Variants in CHM observed in about 807,000 individuals in gnomAD.
The protein encoded by CHM is CHM Rab escort protein, also known as rab proteins geranylgeranyltransferase component A 1.
Under a neutral mutation model 49.0 loss-of-function variants are expected in CHM, and 10 were observed. The observed-to-expected ratio is 0.20, with a 90% CI of 0.13 to 0.35. The LOEUF (loss-of-function observed/expected upper bound fraction) is 0.35, where lower values mean the gene tolerates loss of function less well. Ranked by LOEUF, CHM falls within the 10% of genes least tolerant of loss-of-function variation. The pLI, the probability that CHM is intolerant of heterozygous loss-of-function variation, is 1.00. For missense variants in CHM, 455 were observed against 478.4 expected, an observed-to-expected ratio of 0.95 and a Z score of 0.46; for synonymous variants, 184 against 167.5, an observed-to-expected ratio of 1.10 and a Z score of -0.76.
At chrX:85,894,332 T>C in intron 11 of CHM, 48 bp from the exon 12 acceptor site, 4 of 934,785 alleles carry the variant, frequency 4.3e-6, no homozygotes. Context: ...GATCTCATTT[T>C]CATTCTTCTA....
intron 8 of CHM, among the ~76,000 whole-genome samples, chrX:85,946,250 C>A (rs1053119282): frequency 8.9e-6 from 1 of 112,667 alleles, no homozygotes; most frequent in African/African-American, 3.2e-5. Context: ...AAAGCAACCT[C>A]TTTCTAGAGA....
chrX:85,929,704 G>GT (rs1928308253), intron 8 of CHM, among the ~76,000 whole-genome samples: 1 of 111,499 alleles, frequency 9.0e-6, no homozygotes, highest in South Asian at 3.8e-4. Context: ...TAAAATATTA[G>GT]TTTTAGCTCT....
intron 4 of CHM, among the ~76,000 whole-genome samples, chrX:85,968,593 A>G (rs753960783): frequency 2.9e-4 from 32 of 112,100 alleles, no homozygotes; most frequent in Non-Finnish European, 3.9e-4. Context: ...GTTTCAGCCA[A>G]TAAGATAATG....
intron 1 of CHM, among the ~76,000 whole-genome samples, chrX:86,045,774 GA>G (rs1185051880): frequency 5.6e-5 from 6 of 106,954 alleles, no homozygotes; most frequent in East Asian, 2.9e-4. Context: ...ACCCAGACCT[GA>G]AAAAAAAAAT....
chrX:86,025,456 G>A (rs1933763953), intron 2 of CHM, among the ~76,000 whole-genome samples: 2 of 110,116 alleles, frequency 1.8e-5, no homozygotes, highest in Non-Finnish European at 3.8e-5. Flanking sequence ...TGGGAGGATC[G>A]TTTGAGGCCA....
intron 8 of CHM, among the ~76,000 whole-genome samples, chrX:85,943,524 T>C (rs1427864383): frequency 8.9e-6 from 1 of 111,960 alleles, no homozygotes; most frequent in Admixed American, 9.5e-5. Context: ...GCATTTTGTA[T>C]TGGGCACAGA....
At chrX:86,011,072 T>G (rs1454624520) in intron 2 of CHM, among the ~76,000 whole-genome samples, 7 of 111,851 alleles carry the variant, frequency 6.3e-5, no homozygotes, top group African/African-American at 2.0e-4. Context: ...TTCTTAAACT[T>G]TATTCATTTA....
chrX:85,928,412 G>C (rs767952104), intron 8 of CHM, among the ~76,000 whole-genome samples: 2 of 110,090 alleles, frequency 1.8e-5, no homozygotes, highest in Admixed American at 9.7e-5. Flanking sequence ...GCATGGTGGC[G>C]GGCGCCTGCA....
chrX:85,885,626 T>C (rs908825685), intron 12 of CHM, among the ~76,000 whole-genome samples: 1 of 111,469 alleles, frequency 9.0e-6, no homozygotes, highest in Non-Finnish European at 1.9e-5. Flanking sequence ...CAAAGTCTCA[T>C]TGGTCTATAT....
At chrX:85,908,827 C>T (rs1396184115) in intron 9 of CHM, among the ~76,000 whole-genome samples, 1 of 111,487 alleles carries the variant, frequency 9.0e-6, no homozygotes, top group Non-Finnish European at 1.9e-5. Flanking sequence ...GCAGGCACAT[C>T]CAAGTTGTTC....
At chrX:85,984,364 C>T (rs551448833) in intron 2 of CHM, among the ~76,000 whole-genome samples, 108 of 111,165 alleles carry the variant, frequency 9.7e-4, no homozygotes, top group South Asian at 3.8e-3. Flanking sequence ...TGAAAAAGTA[C>T]GCAATATCAT....
At chrX:85,869,307 T>C (rs1052874685) in intron 14 of CHM, among the ~76,000 whole-genome samples, 3 of 111,567 alleles carry the variant, frequency 2.7e-5, no homozygotes, top group African/African-American at 9.8e-5. Context: ...AATACAAATA[T>C]TAAGTATAAA....
intron 14 of CHM, among the ~76,000 whole-genome samples, chrX:85,870,917 G>C (rs950619585): frequency 5.4e-5 from 6 of 110,917 alleles, no homozygotes; most frequent in Admixed American, 9.6e-5. Context: ...ATGAAAACAA[G>C]AGTGTCAAGT....
intron 4 of CHM, among the ~76,000 whole-genome samples, chrX:85,973,674 AC>A (rs1226704609): frequency 1.8e-5 from 2 of 111,740 alleles, no homozygotes; most frequent in Admixed American, 1.9e-4. Flanking sequence ...ATGCTGAGAC[AC>A]CATGTGCAAG....
intron 8 of CHM, among the ~76,000 whole-genome samples, chrX:85,925,753 T>C: frequency 8.9e-6 from 1 of 111,973 alleles, no homozygotes; most frequent in Middle Eastern, 4.2e-3. Context: ...GAGACATCCA[T>C]TTTGAATCCA....
intron 13 of CHM, among the ~76,000 whole-genome samples, chrX:85,873,631 T>C (rs769948060): frequency 9.0e-6 from 1 of 110,737 alleles, no homozygotes; most frequent in Admixed American, 9.7e-5. Context: ...CTGAAGGAAA[T>C]TGGGGGCAAA....
chrX:85,977,117 G>C (rs1931322753), intron 4 of CHM, among the ~76,000 whole-genome samples: 1 of 111,711 alleles, frequency 9.0e-6, no homozygotes. Flanking sequence ...GATATTGTTA[G>C]TCCTATTTAC....
At chrX:85,990,946 T>C (rs1266766550) in intron 2 of CHM, among the ~76,000 whole-genome samples, 2 of 111,925 alleles carry the variant, frequency 1.8e-5, no homozygotes, top group Admixed American at 1.9e-4. Flanking sequence ...CCAAGAACAG[T>C]AACAAAAGAT....
chrX:86,013,541 T>C (rs1282680333), intron 2 of CHM, among the ~76,000 whole-genome samples: 1 of 110,460 alleles, frequency 9.1e-6, no homozygotes, highest in African/African-American at 3.3e-5. Context: ...GAGACCACCC[T>C]GGCCAAGATG....
Sources: gnomAD v4.1 joint callset for allele counts (sites outside exome capture counted in the v4.1 genomes callset) on GRCh38, gnomAD v4.1.1 for gene constraint, MANE v1.5 for transcripts, NCBI Gene and HGNC (gene_info 2026-07-23, HGNC 2026-07-21) for gene names.